Variants in PTPRA observed in about 807,000 individuals in gnomAD.
The protein encoded by PTPRA is receptor-type tyrosine-protein phosphatase alpha.
Under a neutral mutation model 104.8 loss-of-function variants are expected in PTPRA, and 25 were observed. The observed-to-expected ratio is 0.24, with a 90% CI of 0.17 to 0.33. The LOEUF is 0.33. Among genes scored for constraint, PTPRA ranks in the 10% least tolerant of loss-of-function variants. The pLI is 1.00. For synonymous variants in PTPRA, 323 were observed against 368.9 expected, an observed-to-expected ratio of 0.88 and a Z score of 1.43; for missense variants, 765 against 1,015.3, an observed-to-expected ratio of 0.75 and a Z score of 3.35.
At chr20:2,923,564 C>T (rs972315261) in intron 2 of PTPRA, among the ~76,000 whole-genome samples, 9 of 151,792 alleles carry the variant, frequency 5.9e-5, no homozygotes, top group East Asian at 1.9e-4. Flanking sequence ...TTTGGGAGGC[C>T]GAGGCGGGCA....
chr20:2,902,838 A>G (rs1275500625), intron 1 of PTPRA, among the ~76,000 whole-genome samples: 1 of 152,200 alleles, frequency 6.6e-6, no homozygotes, highest in Non-Finnish European at 1.5e-5. Context: ...AGCACAATGA[A>G]GGTTTTTCAA....
At chr20:3,009,056 A>C (rs1415590725) in intron 11 of PTPRA, among the ~76,000 whole-genome samples, 1 of 152,232 alleles carries the variant, frequency 6.6e-6, no homozygotes. Flanking sequence ...AGGAGAGGAC[A>C]GAATGGATAG....
At chr20:2,967,449 G>A (rs1333539199) in intron 5 of PTPRA, among the ~76,000 whole-genome samples, 1 of 152,154 alleles carries the variant, frequency 6.6e-6, no homozygotes, top group Non-Finnish European at 1.5e-5. Context: ...AGTATTTGAT[G>A]TATATTATTG....
intron 2 of PTPRA, among the ~76,000 whole-genome samples, chr20:2,941,011 G>GTTCTCTCACAAAAC (rs1568662258): frequency 1.4e-5 from 2 of 140,772 alleles, no homozygotes; most frequent in African/African-American, 2.6e-5. Flanking sequence ...CTTTTCTTCT[G>GTTCTCTCACAAAAC]GTTTTTTTTT....
intron 1 of PTPRA, among the ~76,000 whole-genome samples, chr20:2,886,107 A>G (rs1232697396): frequency 6.6e-6 from 1 of 152,178 alleles, no homozygotes; most frequent in East Asian, 1.9e-4. Context: ...GAACATAAGT[A>G]TAGATCTTGT....
intron 2 of PTPRA, among the ~76,000 whole-genome samples, chr20:2,931,557 G>C (rs1445296019): frequency 6.6e-6 from 1 of 152,134 alleles, no homozygotes; most frequent in Non-Finnish European, 1.5e-5. Context: ...AGGATATGGC[G>C]AGAAGAACAG....
chr20:3,028,102 T>C (rs556379814), intron 20 of PTPRA, among the ~76,000 whole-genome samples: 2 of 152,272 alleles, frequency 1.3e-5, no homozygotes, highest in African/African-American at 4.8e-5. Context: ...TGAGCCTCCA[T>C]GTTATTCCCA....
chr20:3,018,261 G>A (rs1028789741), intron 13 of PTPRA, among the ~76,000 whole-genome samples: 1 of 152,164 alleles, frequency 6.6e-6, no homozygotes, highest in Non-Finnish European at 1.5e-5. Context: ...ATTCTTGGGT[G>A]TTTCTCATAG....
chr20:2,981,028 T>C (rs1330950713), intron 6 of PTPRA, among the ~76,000 whole-genome samples: 1 of 152,138 alleles, frequency 6.6e-6, no homozygotes, highest in African/African-American at 2.4e-5. Context: ...TAGAATTAGC[T>C]TGGGCACTAC....
At chr20:2,928,606 A>G (rs1461803035) in intron 2 of PTPRA, among the ~76,000 whole-genome samples, 9 of 152,092 alleles carry the variant, frequency 5.9e-5, no homozygotes, top group African/African-American at 1.9e-4. Flanking sequence ...TATGTTCTAT[A>G]TAGTCTGGAA....
intron 6 of PTPRA, among the ~76,000 whole-genome samples, chr20:2,983,319 G>T (rs2062763553): frequency 6.6e-6 from 1 of 152,178 alleles, no homozygotes; most frequent in Non-Finnish European, 1.5e-5. Context: ...CAAGGAAAGA[G>T]TGCAAGAGAT....
Position 3,022,842 on chromosome 20 carries a change from C to T in PTPRA, c.1464+18C>T. ...AAACCGATGTGAGTGATCTGTGGGT[C>T]AGGTGAGGGTGGGGGGTTCCAGGAC... On this transcript the variant is annotated intron_variant, in intron 16 of 23. Transcript: ENST00000399903. This position sits in a 1 kb window ranked among gnomAD's most constrained non-coding sequence, Gnocchi z 4.6. The T allele has an allele frequency of 6.2e-7, 1 of 1,613,998 alleles. No homozygotes were observed. Among genetic ancestry groups the T allele is most frequent in the Non-Finnish European group, 8.5e-7 (1 of 1,179,974 alleles).
intron 2 of PTPRA, among the ~76,000 whole-genome samples, chr20:2,936,533 C>T (rs1386140133): frequency 6.6e-6 from 1 of 152,080 alleles, no homozygotes; most frequent in Non-Finnish European, 1.5e-5. Context: ...GCAATCATGG[C>T]TCACTGCAGC....
intron 20 of PTPRA, 80 bp downstream of exon 20, chr20:3,027,921 C>G (rs1346734680): frequency 1.9e-6 from 3 of 1,574,026 alleles, no homozygotes; most frequent in African/African-American, 2.7e-5. Flanking sequence ...GTTGGGAAGG[C>G]AAGAAGGTGT....
rs571688678 is a variant in PTPRA at position 2,889,948 on chromosome 20, A to G, written c.-129+16188A>G. On this transcript the variant is annotated intron_variant, in intron 1 of 23. Transcript: ENST00000399903. ...GCCCATGCTGGTGTGCAGTGGTGCA[A>G]TCATGGCTCACTGCAGCCTTGACCT... 2.2e-3 allele frequency among the ~76,000 whole-genome samples: 336 copies of G among 152,170 alleles called. 3 individuals carry two copies. Among genetic ancestry groups the G allele is most frequent in the Admixed American group, 2.9e-3 (44 of 15,264 alleles).
At position 2,968,038 on chromosome 20, in the gene PTPRA, A is replaced by G. The variant is rs138442557; in HGVS notation, c.415+2836A>G. Among the ~76,000 whole-genome samples the G allele has an allele frequency of 2.0e-5, 3 of 152,246 alleles. No individual in the cohort carries two copies. In the East Asian group the frequency reaches 5.8e-4, roughly 29 times the overall value. On this transcript the variant is annotated intron_variant, in intron 5 of 23. Coordinates refer to ENST00000399903, the MANE Select transcript of PTPRA (RefSeq NM_001385305.1). ...CGATCTCTAGGGCTACTACACAGAT[A>G]CATCAGCCTGAGATTTCCCTTCTCT... is the stretch of plus-strand genomic sequence containing the variant.
Position 2,936,019 on chromosome 20 carries a change from C to CA in PTPRA, c.-49-11949dup, listed in dbSNP as rs754133556. On this transcript the variant is annotated intron_variant, in intron 2 of 23. Coordinates refer to ENST00000399903, the MANE Select transcript of PTPRA (RefSeq NM_001385305.1). ...GGGCGACAAGAGTGAAAATCCAACT[C>CA]AAAAAAAAAAAAAATCGTTTGTAGA... Among the ~76,000 whole-genome samples, 1,171 of 132,562 alleles carry CA rather than the reference C, an allele frequency of 8.8e-3. 12 individuals carry two copies. The highest frequency in any genetic ancestry group is 0.021 in the African/African-American group (768 of 36,356). The allele number at this position is 132,562 out of a possible 152,430, so 87.0% of individuals were successfully genotyped here.
chr20:2,947,740 G>A (rs2061190428), intron 2 of PTPRA, among the ~76,000 whole-genome samples: 1 of 152,154 alleles, frequency 6.6e-6, no homozygotes, highest in South Asian at 2.1e-4. Flanking sequence ...GGAAAGATAA[G>A]AGATTTCAGT....
intron 2 of PTPRA, among the ~76,000 whole-genome samples, chr20:2,926,398 C>T (rs79760362): frequency 0.015 from 2,348 of 152,290 alleles, 124 homozygotes; most frequent in Admixed American, 0.09. Flanking sequence ...GGCATTCTCT[C>T]TGTATCTTCA....
Sources: gnomAD v4.1 joint callset for allele counts (sites outside exome capture counted in the v4.1 genomes callset) on GRCh38, gnomAD v4.1.1 for gene constraint, Gnocchi (gnomAD v3.1) non-coding constraint, MANE v1.5 for transcripts, NCBI Gene and HGNC (gene_info 2026-07-23, HGNC 2026-07-21) for gene names.